Variants in ZNF326 observed in about 807,000 individuals in gnomAD.
ZNF326 encodes the protein zinc finger protein 326.
ZNF326 carries 30 observed loss-of-function variants against 63.1 expected under a neutral mutation model. That is an observed-to-expected ratio of 0.48 (90% CI 0.36 to 0.64). ZNF326 has a LOEUF of 0.64. ZNF326 is among the 30% of genes least tolerant of loss of function. The pLI, the probability that ZNF326 is intolerant of heterozygous loss-of-function variation, is 0.00. For synonymous variants in ZNF326, 194 were observed against 228.2 expected, an observed-to-expected ratio of 0.85 and a Z score of 1.35; for missense variants, 609 against 720.3, an observed-to-expected ratio of 0.85 and a Z score of 1.77.
chr1:89,995,203 C>G lies in ZNF326; in HGVS notation c.-55C>G. The stretch of plus-strand genomic sequence containing the variant: ...GGAATCGCGGGTCGCGGACGCTCGC[C>G]GCCGGCCATAGCTCAGCCTAGCGCC... On this transcript the variant is annotated 5_prime_UTR_variant, in exon 1 of 12. Transcript: ENST00000340281. 2 of 1,525,958 alleles carry G rather than the reference C, an allele frequency of 1.3e-6. No homozygotes were observed. Among genetic ancestry groups the G allele is most frequent in the Non-Finnish European group, 1.8e-6 (2 of 1,139,696 alleles). 94.5% of individuals were successfully genotyped at this position (1,525,958 alleles called of 1,614,324 possible).
At position 90,033,406 on chromosome 1, in the gene ZNF326, A is replaced by T. The variant is rs1426975285; in HGVS notation, c.*5705A>T. The stretch of plus-strand genomic sequence containing the variant: ...CTGGGGAAACAATTCAGGGGGAAAA[A>T]ATGACCAAGTATAATTAGTATTATA... On this transcript the variant is annotated 3_prime_UTR_variant, in exon 12 of 12. Coordinates refer to ENST00000340281, the MANE Select transcript of ZNF326 (RefSeq NM_182976.4). 6.6e-6 allele frequency: 1 copy of T among 152,174 alleles called. No homozygotes were observed. The highest frequency in any genetic ancestry group is 2.4e-5 in the African/African-American group (1 of 41,446). The allele number at this position is 152,174 out of a possible 1,614,324, so 9.4% of individuals were successfully genotyped here.
At position 89,995,180 on chromosome 1, in the gene ZNF326, A is replaced by C; in HGVS notation, c.-78A>C. 1.3e-6 allele frequency: 2 copies of C among 1,489,570 alleles called. No individual in the cohort carries two copies. The highest frequency in any genetic ancestry group is 1.2e-5 in the South Asian group (1 of 81,604). The allele number at this position is 1,489,570 out of a possible 1,614,324, so 92.3% of individuals were successfully genotyped here. A position where few individuals can be genotyped will look rare whatever the true frequency, so the allele number is the denominator to read the frequency against. ...TCGGTCGCGCGGAGTGATCGTGTGG[A>C]ATCGCGGGTCGCGGACGCTCGCCGC... On this transcript the variant is annotated 5_prime_UTR_variant, in exon 1 of 12. Coordinates refer to ENST00000340281, the MANE Select transcript of ZNF326 (RefSeq NM_182976.4).
chr1:90,016,578 G>A (rs1649513374), intron 7 of ZNF326, among the ~76,000 whole-genome samples: 1 of 152,128 alleles, frequency 6.6e-6, no homozygotes, highest in East Asian at 1.9e-4. Context: ...TTAGCCAGGT[G>A]TGGTGGCGCA....
chr1:90,004,798 C>CTTTTTTTTTTT (rs34878438), intron 2 of ZNF326, among the ~76,000 whole-genome samples: 1 of 68,118 alleles, frequency 1.5e-5, no homozygotes, highest in African/African-American at 5.9e-5. Context: ...AATATCAGGG[C>CTTTTTTTTTTT]TTTTTTTTTT....
At chr1:90,010,918 A>T (rs1649204206) in intron 6 of ZNF326, among the ~76,000 whole-genome samples, 1 of 152,172 alleles carries the variant, frequency 6.6e-6, no homozygotes, top group Non-Finnish European at 1.5e-5. Flanking sequence ...GGAGTTCTGG[A>T]AACCTGATAC....
intron 11 of ZNF326, among the ~76,000 whole-genome samples, chr1:90,025,328 A>T (rs1413171235): frequency 6.6e-6 from 1 of 151,852 alleles, no homozygotes; most frequent in South Asian, 2.1e-4. Flanking sequence ...ACAGAGTCTC[A>T]CTCTGTTGCC....
In ZNF326 at chr1:89,996,000, C is replaced by T. The variant is rs560624507; in HGVS notation, c.16+727C>T. The stretch of plus-strand genomic sequence containing the variant: ...CACAGCAAGCATCAAATGTCCTTCA[C>T]ATTTAGACCTGTACACAGCCTTGTA... On this transcript the variant is annotated intron_variant, in intron 1 of 11. Coordinates refer to ENST00000340281, the MANE Select transcript of ZNF326 (RefSeq NM_182976.4). Among the ~76,000 whole-genome samples the T allele has an allele frequency of 7.9e-5, 12 of 152,322 alleles. No homozygotes were observed. The South Asian group carries it at 2.3e-3, about 29-fold the overall frequency.
intron 10 of ZNF326, 105 bp downstream of exon 10, chr1:90,021,027 A>T: frequency 8.3e-7 from 1 of 1,204,984 alleles, no homozygotes; most frequent in Non-Finnish European, 1.2e-6. Flanking sequence ...CAATTTATCA[A>T]TCTCATATGG....
intron 6 of ZNF326, 61 bp downstream of exon 6, chr1:90,010,347 C>G (rs776989002): frequency 6.5e-7 from 1 of 1,537,942 alleles, no homozygotes; most frequent in East Asian, 2.3e-5. Context: ...AAATTCCATA[C>G]TTTTTGGTAA....
intron 4 of ZNF326, chr1:90,006,176 A>G: frequency 1.0e-6 from 1 of 985,442 alleles, no homozygotes; most frequent in East Asian, 1.1e-4. Flanking sequence ...TAAGAAAGTG[A>G]ACAGTTGCAA....
At chr1:90,002,334 A>G (rs1648726313) in intron 2 of ZNF326, among the ~76,000 whole-genome samples, 1 of 152,220 alleles carries the variant, frequency 6.6e-6, no homozygotes, top group African/African-American at 2.4e-5. Flanking sequence ...TTTTATGATT[A>G]TAGTGAAATA....
At chr1:90,022,657 A>C (rs149543574) in intron 11 of ZNF326, among the ~76,000 whole-genome samples, 4 of 152,208 alleles carry the variant, frequency 2.6e-5, no homozygotes, top group Non-Finnish European at 5.9e-5. Context: ...TATCTTAGCT[A>C]TGTAGTTGCT....
In ZNF326 at chr1:90,007,216, A is replaced by T; in HGVS notation, c.210-129A>T. On this transcript the variant is annotated intron_variant, in intron 4 of 11. Transcript: ENST00000340281. This position sits in a 1 kb window ranked among gnomAD's most constrained non-coding sequence, Gnocchi z 4.9. ...GCCCTAATCAAATGTGAACAAAAGT[A>T]GAACTGTGCAAACCAGTATGGTATA... 2.2e-6 allele frequency: 2 copies of T among 910,060 alleles called. No homozygotes were observed. The highest frequency in any genetic ancestry group is 3.2e-6 in the Non-Finnish European group (2 of 618,724). 56.4% of individuals were successfully genotyped at this position (910,060 alleles called of 1,614,324 possible).
At position 90,032,874 on chromosome 1, in the gene ZNF326, C is replaced by CA. The variant is rs1208931795; in HGVS notation, c.*5176dup. On this transcript the variant is annotated 3_prime_UTR_variant, in exon 12 of 12. Coordinates refer to ENST00000340281, the MANE Select transcript of ZNF326 (RefSeq NM_182976.4). ...TGCAGAGCATATAATGCAGAGCATACAAATAGGGGCCATCGAAGTGTGGCA... is the reference window on the plus strand; with the variant it reads ...TGCAGAGCATATAATGCAGAGCATACAAAATAGGGGCCATCGAAGTGTGGCA... 6.6e-6 allele frequency: 1 copy of CA among 152,206 alleles called. No homozygotes were observed. The highest frequency in any genetic ancestry group is 1.5e-5 in the Non-Finnish European group (1 of 68,050). 9.4% of individuals were successfully genotyped at this position (152,206 alleles called of 1,614,324 possible). A position where few individuals can be genotyped will look rare whatever the true frequency, so the allele number is the denominator to read the frequency against.
At chr1:90,018,584 T>C (rs1474843017) in intron 8 of ZNF326, 101 bp from the exon 9 acceptor site, 15 of 559,398 alleles carry the variant, frequency 2.7e-5, no homozygotes, top group Non-Finnish European at 4.8e-5. Context: ...TTAATTCTTA[T>C]GTAGCAGATA....
At chr1:90,008,914 C>A (rs763398092) in intron 5 of ZNF326, among the ~76,000 whole-genome samples, 4 of 152,044 alleles carry the variant, frequency 2.6e-5, no homozygotes, top group Non-Finnish European at 5.9e-5. Context: ...ATAGGCATTC[C>A]TGAGCATAGT....
intron 11 of ZNF326, 30 bp from the exon 12 acceptor site, chr1:90,027,324 G>T: frequency 6.2e-7 from 1 of 1,602,306 alleles, no homozygotes; most frequent in South Asian, 1.1e-5. Context: ...TGAATGTGCT[G>T]ATTTTGAAAG....
intron 1 of ZNF326, among the ~76,000 whole-genome samples, chr1:89,996,653 C>A (rs1241032894): frequency 6.6e-6 from 1 of 151,942 alleles, no homozygotes; most frequent in Admixed American, 6.6e-5. Flanking sequence ...GCAGAAGAAT[C>A]CCTTGAACCC....
chr1:90,021,126 C>T (rs879480637), intron 10 of ZNF326, among the ~76,000 whole-genome samples: 2 of 151,962 alleles, frequency 1.3e-5, no homozygotes, highest in Non-Finnish European at 2.9e-5. Context: ...CAATCTATAA[C>T]ATGTGTTACG....
Sources: allele counts gnomAD v4.1 joint callset (sites outside exome capture counted in the v4.1 genomes callset), GRCh38; gene constraint gnomAD v4.1.1; non-coding constraint Gnocchi (gnomAD v3.1); transcripts MANE v1.5; gene names NCBI Gene and HGNC (gene_info 2026-07-23, HGNC 2026-07-21).